Variants in BCAS3 observed in about 807,000 individuals in gnomAD.
BCAS3 encodes BCAS3 microtubule associated cell migration factor, also known as BCAS4/BCAS3 fusion.
BCAS3 carries 53 observed loss-of-function variants against 116.1 expected under a neutral mutation model. That is an observed-to-expected ratio of 0.46 (90% confidence interval 0.37 to 0.57). The LOEUF is 0.57. Among genes scored for constraint, BCAS3 ranks in the 20% least tolerant of loss-of-function variants. The pLI is 0.00. For synonymous variants in BCAS3, 391 were observed against 408.2 expected (o/e 0.96, Z 0.51); for missense variants, 917 against 1,165.4 (o/e 0.79, Z 3.10).
intron 9 of BCAS3, chr17:60,887,424 C>G (rs1206651901): frequency 1.3e-5 from 2 of 153,702 alleles, no homozygotes; most frequent in Non-Finnish European, 1.4e-5. Context: ...GCGTTGCTCA[C>G]GCTGGGAGCT....
intron 7 of BCAS3, among the ~76,000 whole-genome samples, chr17:60,849,496 T>C (rs2052864531): frequency 6.6e-6 from 1 of 152,082 alleles, no homozygotes; most frequent in Non-Finnish European, 1.5e-5. Flanking sequence ...TGCTTGAGGA[T>C]GGTATGTTTT....
chr17:60,864,530 G>A (rs894164169), intron 7 of BCAS3, among the ~76,000 whole-genome samples: 2 of 152,220 alleles, frequency 1.3e-5, no homozygotes, highest in East Asian at 3.8e-4. Flanking sequence ...CTCTGGATTA[G>A]GCTTTGGCTT....
Position 61,145,346 on chromosome 17 carries a change from A to G in BCAS3, c.2425+60782A>G, listed in dbSNP as rs967965936. The stretch of plus-strand genomic sequence containing the variant: ...CGGGGTCTGGCCTGCAGAAAGGAGC[A>G]GCCTGACCAAATTTACGCTCACAAG... On this transcript the variant is annotated intron_variant, in intron 22 of 23. Transcript: ENST00000407086. This position sits in a 1 kb window ranked among gnomAD's most constrained non-coding sequence, Gnocchi z 5.0. Among the ~76,000 whole-genome samples, 3 of 152,256 alleles carry G rather than the reference A, an allele frequency of 2.0e-5. No individual in the cohort carries two copies. The highest frequency in any genetic ancestry group is 4.4e-5 in the Non-Finnish European group (3 of 68,040).
At chr17:61,299,442 C>CAAAAAAAAAAAAAAAAAAAAAAAAAAAAA (rs538072648) in intron 22 of BCAS3, among the ~76,000 whole-genome samples, 1 of 57,154 alleles carries the variant, frequency 1.7e-5, no homozygotes. Flanking sequence ...GACTCCATCT[C>CAAAAAAAAAAAAAAAAAAAAAAAAAAAAA]AAAAAAAAAA....
At position 61,199,801 on chromosome 17, in the gene BCAS3, A is replaced by G. The variant is rs1011129322; in HGVS notation, c.2425+115237A>G. On this transcript the variant is annotated intron_variant, in intron 22 of 23. Coordinates refer to ENST00000407086, the MANE Select transcript of BCAS3 (RefSeq NM_017679.5). The surrounding 1 kb of genome is among the most constrained non-coding windows in gnomAD (Gnocchi z 4.6). ...TAGATCCTATCTCTATCCCTTTTCC[A>G]AAAGCCCGGTAAAGTTAGTTTGCTT... Among the ~76,000 whole-genome samples the G allele has an allele frequency of 3.9e-5, 6 of 152,184 alleles. No homozygotes were observed. Among genetic ancestry groups the G allele is most frequent in the African/African-American group, 9.7e-5 (4 of 41,446 alleles).
At chr17:60,790,228 G>A (rs1045514525) in intron 6 of BCAS3, among the ~76,000 whole-genome samples, 1 of 152,118 alleles carries the variant, frequency 6.6e-6, no homozygotes, top group Admixed American at 6.5e-5. Context: ...GAAAACTACT[G>A]GAGTTCTTCA....
chr17:60,793,955 T>C (rs1036249824), intron 6 of BCAS3, among the ~76,000 whole-genome samples: 2 of 152,234 alleles, frequency 1.3e-5, no homozygotes, highest in African/African-American at 4.8e-5. Context: ...ATGGTCGTTC[T>C]ACTTTTAGTT....
In BCAS3 at chr17:61,141,646, T is replaced by C. The variant is rs1008689711; in HGVS notation, c.2425+57082T>C. The stretch of plus-strand genomic sequence containing the variant: ...GGCTGGGCGTGGTGGCTCACACCTG[T>C]AATCCCAGCTCTTTGAGAGGCTGAG... On this transcript the variant is annotated intron_variant, in intron 22 of 23. Coordinates refer to ENST00000407086, the MANE Select transcript of BCAS3 (RefSeq NM_017679.5). This position sits in a 1 kb window ranked among gnomAD's most constrained non-coding sequence, Gnocchi z 4.3. Among the ~76,000 whole-genome samples the C allele has an allele frequency of 4.6e-5, 7 of 152,130 alleles. No homozygotes were observed. Among genetic ancestry groups the C allele is most frequent in the African/African-American group, 1.4e-4 (6 of 41,428 alleles).
chr17:61,121,740 T>TG (rs1238742879), intron 22 of BCAS3, among the ~76,000 whole-genome samples: 2 of 152,238 alleles, frequency 1.3e-5, no homozygotes, highest in Non-Finnish European at 2.9e-5. Flanking sequence ...TTTATATGTG[T>TG]GTGTGTGTGA....
chr17:60,952,974 C>T (rs1331969411), intron 14 of BCAS3, among the ~76,000 whole-genome samples: 10 of 151,632 alleles, frequency 6.6e-5, no homozygotes, highest in South Asian at 2.1e-4. Flanking sequence ...CATAATATTC[C>T]ATGGTGTCTA....
chr17:60,824,623 C>T (rs1282942515), intron 7 of BCAS3, among the ~76,000 whole-genome samples: 1 of 152,228 alleles, frequency 6.6e-6, no homozygotes, highest in Non-Finnish European at 1.5e-5. Context: ...TAGATCCATT[C>T]CATTCTTCTG....
chr17:60,734,330 G>A (rs1481888212), intron 5 of BCAS3, among the ~76,000 whole-genome samples: 1 of 152,172 alleles, frequency 6.6e-6, no homozygotes, highest in East Asian at 1.9e-4. Context: ...GAGTCTTGCT[G>A]TGTTGCCCAG....
intron 6 of BCAS3, among the ~76,000 whole-genome samples, chr17:60,806,310 T>A (rs1367707607): frequency 2.6e-5 from 4 of 152,186 alleles, no homozygotes; most frequent in Non-Finnish European, 4.4e-5. Context: ...CTCTGGTGAT[T>A]AAAATGTTTC....
rs560011280 is a variant in BCAS3, at chr17:61,388,736, T to TTGCTC, written c.2594-3240_2594-3236dup. The TTGCTC allele has an allele frequency of 4.0e-5, 62 of 1,534,404 alleles. No individual in the cohort carries two copies. In the African/African-American group the frequency reaches 7.5e-4, roughly 19 times the overall value. ...AAGGCCACACGTTTCCATTTGCCGCTTGCTCGTAGGGCTGGGCGGCCGGGA... is the reference window on the plus strand; with the variant it reads ...AAGGCCACACGTTTCCATTTGCCGCTTGCTCTGCTCGTAGGGCTGGGCGGCCGGGA... On this transcript the variant is annotated intron_variant, in intron 23 of 23. Coordinates refer to ENST00000407086, the MANE Select transcript of BCAS3 (RefSeq NM_017679.5). The surrounding 1 kb of genome is among the most constrained non-coding windows in gnomAD (Gnocchi z 6.5).
rs2080780036 is a variant in BCAS3, at chr17:61,200,943, G to T, written c.2425+116379G>T. ...TTAGCAGCCCTGAGTCAGGACAGGTGTTTATTTTTAATTCATACTCAGAAA... is the reference window on the plus strand; with the variant it reads ...TTAGCAGCCCTGAGTCAGGACAGGTTTTTATTTTTAATTCATACTCAGAAA... On this transcript the variant is annotated intron_variant, in intron 22 of 23. Coordinates refer to ENST00000407086, the MANE Select transcript of BCAS3 (RefSeq NM_017679.5). The surrounding 1 kb of genome is among the most constrained non-coding windows in gnomAD (Gnocchi z 5.1). Among the ~76,000 whole-genome samples the T allele has an allele frequency of 6.6e-6, 1 of 151,850 alleles. No individual in the cohort carries two copies. The highest frequency in any genetic ancestry group is 2.4e-5 in the African/African-American group (1 of 41,342).
chr17:61,271,752 C>T (rs1328496090), intron 22 of BCAS3, among the ~76,000 whole-genome samples: 3 of 151,974 alleles, frequency 2.0e-5, no homozygotes, highest in Non-Finnish European at 4.4e-5. Flanking sequence ...CCATCACACT[C>T]GGCCCCAACT....
rs118003303 is a variant in BCAS3, at chr17:60,736,525, G to A, written c.322-10673G>A. Reference sequence around the variant, plus strand: ...TGGTTCCGGTGTTAGAGTAATACTGGCCTCCTAAAATGATTTAGGAAGCAT... The same window carrying A: ...TGGTTCCGGTGTTAGAGTAATACTGACCTCCTAAAATGATTTAGGAAGCAT... On this transcript the variant is annotated intron_variant, in intron 5 of 23. Transcript: ENST00000407086. 2.7e-3 allele frequency among the ~76,000 whole-genome samples: 412 copies of A among 152,032 alleles called. 5 individuals are homozygous for A. Among genetic ancestry groups the A allele is most frequent in the Admixed American group, 4.9e-3 (75 of 15,262 alleles).
chr17:61,038,074 TTTC>T lies in BCAS3; in HGVS notation c.1928+23_1928+25del. On this transcript the variant is annotated intron_variant, in intron 18 of 23. Coordinates refer to ENST00000407086, the MANE Select transcript of BCAS3 (RefSeq NM_017679.5). Reference sequence around the variant, plus strand: ...GGTTAGGTAGTACCTCTTTTCTTTTTTTCTTTTTAACAGCTTCATTAAGGTATA... The same window carrying T: ...GGTTAGGTAGTACCTCTTTTCTTTTTTTTTTAACAGCTTCATTAAGGTATA... The T allele has an allele frequency of 6.2e-7, 1 of 1,602,154 alleles. No individual in the cohort carries two copies. Among genetic ancestry groups the T allele is most frequent in the South Asian group, 1.1e-5 (1 of 89,380 alleles).
chr17:61,257,294 G>A (rs976778465), intron 22 of BCAS3, among the ~76,000 whole-genome samples: 33 of 152,078 alleles, frequency 2.2e-4, no homozygotes, highest in Non-Finnish European at 3.8e-4. Flanking sequence ...GTGGCCACAC[G>A]CCTGTAGTCC....
Sources: allele counts gnomAD v4.1 joint callset (sites outside exome capture counted in the v4.1 genomes callset), GRCh38; gene constraint gnomAD v4.1.1; non-coding constraint Gnocchi (gnomAD v3.1); transcripts MANE v1.5; gene names NCBI Gene and HGNC (gene_info 2026-07-23, HGNC 2026-07-21).